The following SFXN1 variants were observed in gnomAD, a reference collection of about 807,000 sequenced individuals.
SFXN1 encodes sideroflexin 1.
A neutral mutation model predicts 39.5 loss-of-function variants in SFXN1; 32 were observed. That is an observed-to-expected ratio of 0.81 (90% CI 0.61 to 1.09). SFXN1 has a LOEUF of 1.09. Among genes scored for constraint, SFXN1 ranks in the 50% least tolerant of loss-of-function variants. The pLI is 0.00. For synonymous variants in SFXN1, 136 were observed against 146.5 expected, an observed-to-expected ratio of 0.93 and a Z score of 0.52; for missense variants, 402 against 407.1, an observed-to-expected ratio of 0.99 and a Z score of 0.11.
intron 8 of SFXN1, among the ~76,000 whole-genome samples, chr5:175,518,020 A>C (rs1760766936): frequency 6.6e-6 from 1 of 151,962 alleles, no homozygotes. Context: ...ATTCAGCATG[A>C]CTCATCCATC....
intron 1 of SFXN1, among the ~76,000 whole-genome samples, chr5:175,482,229 A>G (rs143971096): frequency 0.012 from 1,903 of 152,282 alleles, 41 homozygotes; most frequent in African/African-American, 0.044. Context: ...AGTGAAACAA[A>G]CTGGGCAATC....
intron 2 of SFXN1, among the ~76,000 whole-genome samples, chr5:175,501,414 C>A (rs1316578848): frequency 8.5e-5 from 13 of 152,048 alleles, no homozygotes; most frequent in Non-Finnish European, 1.6e-4. Flanking sequence ...GGACAATTAT[C>A]AATTGAAACG....
At chr5:175,493,365 G>GATT (rs536864392) in intron 2 of SFXN1, among the ~76,000 whole-genome samples, 215 of 152,346 alleles carry the variant, frequency 1.4e-3, no homozygotes, top group African/African-American at 4.9e-3. Flanking sequence ...CAAAGCTGGG[G>GATT]ATTGGATTGC....
intron 1 of SFXN1, 174 bp from the exon 2 acceptor site, chr5:175,491,921 A>T: frequency 2.1e-6 from 1 of 474,586 alleles, no homozygotes; most frequent in Non-Finnish European, 3.7e-6. Context: ...TGAGATTTAT[A>T]GACAAACTTA....
At chr5:175,494,761 A>G (rs900645172) in intron 2 of SFXN1, among the ~76,000 whole-genome samples, 3 of 152,130 alleles carry the variant, frequency 2.0e-5, no homozygotes, top group Non-Finnish European at 4.4e-5. Context: ...TAAAAAAAAA[A>G]AAAAGAAAAA....
rs1285926818 is a variant in SFXN1 at position 175,528,183 on chromosome 5, A to G, written c.*1449A>G. 1 of 152,182 alleles carries G rather than the reference A, an allele frequency of 6.6e-6. No individual in the cohort carries two copies. The highest frequency in any genetic ancestry group is 1.9e-4 in the East Asian group (1 of 5,200). The allele number at this position is 152,182 out of a possible 1,614,324, so 9.4% of individuals were successfully genotyped here. On this transcript the variant is annotated 3_prime_UTR_variant, in exon 11 of 11. Coordinates refer to ENST00000321442, the MANE Select transcript of SFXN1 (RefSeq NM_022754.7). Reference sequence around the variant, plus strand: ...CTTGGCCTCCCAAGGTGCTGGGATTACAAGCGTGAGCCACCGCACCCGGCC... The same window carrying G: ...CTTGGCCTCCCAAGGTGCTGGGATTGCAAGCGTGAGCCACCGCACCCGGCC...
Position 175,484,669 on chromosome 5 carries a change from G to A in SFXN1, c.-10+6030G>A, listed in dbSNP as rs761539169. On this transcript the variant is annotated intron_variant, in intron 1 of 10. Transcript: ENST00000321442. ...GAGCCAGCACAGGGCGCGTCTCGGC[G>A]CATCCTCCTCAGCCCAGGCCCCGTG... Among the ~76,000 whole-genome samples the A allele has an allele frequency of 5.9e-5, 9 of 152,250 alleles. No individual in the cohort carries two copies. The South Asian group carries it at 1.0e-3, about 17-fold the overall frequency.
intron 8 of SFXN1, among the ~76,000 whole-genome samples, chr5:175,518,804 C>T (rs993569323): frequency 1.3e-5 from 2 of 152,122 alleles, no homozygotes; most frequent in Non-Finnish European, 2.9e-5. Flanking sequence ...TGTAAAACTT[C>T]TAGAAGAAAA....
chr5:175,509,693 A>T (rs1760443873), intron 3 of SFXN1, among the ~76,000 whole-genome samples: 1 of 152,220 alleles, frequency 6.6e-6, no homozygotes, highest in Non-Finnish European at 1.5e-5. Flanking sequence ...GTATAGGTAT[A>T]AGTGTAGATA....
intron 2 of SFXN1, among the ~76,000 whole-genome samples, chr5:175,508,038 A>T (rs1299332467): frequency 6.6e-6 from 1 of 152,042 alleles, no homozygotes; most frequent in African/African-American, 2.4e-5. Flanking sequence ...AAAATGAATT[A>T]ATATCCTTGA....
At chr5:175,484,725 CT>C (rs555389123) in intron 1 of SFXN1, among the ~76,000 whole-genome samples, 238 of 152,336 alleles carry the variant, frequency 1.6e-3, no homozygotes, top group African/African-American at 5.5e-3. Flanking sequence ...AGCGCGCTTG[CT>C]AGACCCCATT....
Position 175,522,513 on chromosome 5 carries a change from G to A in SFXN1, c.872+91G>A, listed in dbSNP as rs1017250186. ...GTGCCATTATTCCATTTCATTGGCA[G>A]GGAAGTTGAGACTCAAAAGATACTG... is the stretch of plus-strand genomic sequence containing the variant. On this transcript the variant is annotated intron_variant, in intron 10 of 10. Transcript: ENST00000321442. 1.7e-5 allele frequency: 23 copies of A among 1,318,176 alleles called. No individual in the cohort carries two copies. The Admixed American group carries it at 4.8e-4, about 27-fold the overall frequency. 81.7% of individuals were successfully genotyped at this position (1,318,176 alleles called of 1,614,324 possible).
At chr5:175,524,124 AAATATATATATATAT>A (rs1190554219) in intron 10 of SFXN1, 66 of 25,000 alleles carry the variant, frequency 2.6e-3, no homozygotes, top group Middle Eastern at 0.028. Flanking sequence ...AAAAAAAAAA[AAATATATATATATAT>A]ATATATATAT....
chr5:175,483,176 TTTTCAA>T (rs1309584766), intron 1 of SFXN1, among the ~76,000 whole-genome samples: 45 of 152,342 alleles, frequency 3.0e-4, no homozygotes, highest in African/African-American at 1.0e-3. Flanking sequence ...GTAAAATAAT[TTTTCAA>T]CATATATCAT....
At chr5:175,486,542 A>G (rs576444079) in intron 1 of SFXN1, among the ~76,000 whole-genome samples, 7 of 152,316 alleles carry the variant, frequency 4.6e-5, no homozygotes, top group Admixed American at 2.6e-4. Context: ...TGGGCAGATC[A>G]CTTGAGCCCG....
Position 175,513,446 on chromosome 5 carries a change from T to A in SFXN1, c.597-17T>A. 1 of 1,612,996 alleles carries A rather than the reference T, an allele frequency of 6.2e-7. No homozygotes were observed. Among genetic ancestry groups the A allele is most frequent in the Non-Finnish European group, 8.5e-7 (1 of 1,179,230 alleles). On this transcript the variant is annotated splice_polypyrimidine_tract_variant and intron_variant, in intron 6 of 10. Transcript: ENST00000321442. ...GAAGGCATTGGTGGAGCTCTCTGTA[T>A]GTGTTTTGCTCTGCAGGGAACTCAA...
chr5:175,522,357 T>C lies in SFXN1; in HGVS notation c.825-18T>C. ...AACCATTTAAAATGGTCTGACTTTTTTTTGTATTTTTTTTAAGTTTGGTGT... is the reference window on the plus strand; with the variant it reads ...AACCATTTAAAATGGTCTGACTTTTCTTTGTATTTTTTTTAAGTTTGGTGT... On this transcript the variant is annotated intron_variant, in intron 9 of 10. Transcript: ENST00000321442. The C allele has an allele frequency of 6.3e-7, 1 of 1,577,414 alleles. No homozygotes were observed. Among genetic ancestry groups the C allele is most frequent in the East Asian group, 2.2e-5 (1 of 44,588 alleles).
At chr5:175,515,798 G>A (rs887072407) in intron 7 of SFXN1, among the ~76,000 whole-genome samples, 14 of 152,124 alleles carry the variant, frequency 9.2e-5, no homozygotes, top group Admixed American at 2.0e-4. Flanking sequence ...TAAATGTATT[G>A]TGTACTTTAG....
At position 175,528,931 on chromosome 5, in the gene SFXN1, T is replaced by C. The variant is rs1391061477; in HGVS notation, c.*2197T>C. The C allele has an allele frequency of 6.6e-6, 1 of 152,288 alleles. No individual in the cohort carries two copies. The highest frequency in any genetic ancestry group is 1.5e-5 in the Non-Finnish European group (1 of 68,156). 9.4% of individuals were successfully genotyped at this position (152,288 alleles called of 1,614,324 possible). The stretch of plus-strand genomic sequence containing the variant: ...CTCTCAGAGTCCTCCCCCTACCAGG[T>C]AGTGTGTAGCTCCATTTCAGAATGT... On this transcript the variant is annotated 3_prime_UTR_variant, in exon 11 of 11. Coordinates refer to ENST00000321442, the MANE Select transcript of SFXN1 (RefSeq NM_022754.7).
Sources: gnomAD v4.1 joint callset for allele counts (sites outside exome capture counted in the v4.1 genomes callset) on GRCh38, gnomAD v4.1.1 for gene constraint, MANE v1.5 for transcripts, NCBI Gene and HGNC (gene_info 2026-07-23, HGNC 2026-07-21) for gene names.